The following REEP3 variants were observed in gnomAD, a reference collection of about 807,000 sequenced individuals.
The protein encoded by REEP3 is receptor expression-enhancing protein 3.
Under a neutral mutation model 41.3 loss-of-function variants are expected in REEP3, and 20 were observed. That is an observed-to-expected ratio of 0.48 (90% CI 0.34 to 0.70). The LOEUF is 0.70. REEP3 is among the 30% of genes least tolerant of loss of function. REEP3 has a pLI of 0.01. For missense variants in REEP3, 271 were observed against 308.8 expected (o/e 0.88, Z 0.92); for synonymous variants, 104 against 101.8 (o/e 1.02, Z -0.13).
chr10:63,607,346 C>G (rs1956238031), intron 5 of REEP3, among the ~76,000 whole-genome samples: 1 of 152,158 alleles, frequency 6.6e-6, no homozygotes, highest in African/African-American at 2.4e-5. Flanking sequence ...GTTGATAATA[C>G]TTGGGTATTG....
At chr10:63,609,106 C>T (rs1467404171) in intron 5 of REEP3, among the ~76,000 whole-genome samples, 2 of 152,162 alleles carry the variant, frequency 1.3e-5, no homozygotes, top group Admixed American at 6.6e-5. Context: ...AGAGCCGTTA[C>T]CAGTCCTGAC....
chr10:63,522,895 C>T (rs1163988480), intron 1 of REEP3, among the ~76,000 whole-genome samples: 3 of 151,976 alleles, frequency 2.0e-5, no homozygotes, highest in Admixed American at 1.3e-4. Context: ...CAGCCTTTTC[C>T]TGGCCTCTCT....
intron 2 of REEP3, among the ~76,000 whole-genome samples, chr10:63,570,737 G>A (rs752119133): frequency 3.3e-5 from 5 of 152,180 alleles, no homozygotes; most frequent in African/African-American, 9.7e-5. Context: ...GCCAGGCACT[G>A]AAATAAGGAC....
chr10:63,615,330 GT>G (rs1015037638), intron 6 of REEP3, among the ~76,000 whole-genome samples: 2 of 151,492 alleles, frequency 1.3e-5, no homozygotes, highest in Non-Finnish European at 2.9e-5. Context: ...AACAGAAAAT[GT>G]TTTTTTTGTT....
intron 2 of REEP3, among the ~76,000 whole-genome samples, chr10:63,590,547 A>G (rs909405312): frequency 6.6e-6 from 1 of 151,746 alleles, no homozygotes; most frequent in Non-Finnish European, 1.5e-5. Flanking sequence ...ACTTGTGTAT[A>G]GTTATCGACT....
rs548807302 is a variant in REEP3, at chr10:63,524,130, T to C, written c.32+2553T>C. Among the ~76,000 whole-genome samples the C allele has an allele frequency of 2.6e-5, 4 of 152,312 alleles. No homozygotes were observed. In the East Asian group the frequency reaches 5.8e-4, roughly 22 times the overall value. ...CACATTAGCACATTAGAAAGCACAC[T>C]TGTAGAGAATATAAACATCATTCTA... is the stretch of plus-strand genomic sequence containing the variant. On this transcript the variant is annotated intron_variant, in intron 1 of 7. Transcript: ENST00000373758.
rs894743016 is a variant in REEP3, at chr10:63,623,507, G to T, written c.*2638G>T. On this transcript the variant is annotated 3_prime_UTR_variant, in exon 8 of 8. Coordinates refer to ENST00000373758, the MANE Select transcript of REEP3 (RefSeq NM_001001330.3). ...CAAACCTATTTAGGGAACTATTTTG[G>T]TAGATGTTTGAGTTTATACAGAAAT... 6.6e-6 allele frequency: 1 copy of T among 152,254 alleles called. No individual in the cohort carries two copies. The highest frequency in any genetic ancestry group is 1.5e-5 in the Non-Finnish European group (1 of 68,152). 9.4% of individuals were successfully genotyped at this position (152,254 alleles called of 1,614,324 possible).
chr10:63,523,520 C>G (rs1223379766), intron 1 of REEP3, among the ~76,000 whole-genome samples: 1 of 152,094 alleles, frequency 6.6e-6, no homozygotes, highest in Non-Finnish European at 1.5e-5. Flanking sequence ...ACCTGTAATC[C>G]CAGCTACTCA....
intron 2 of REEP3, among the ~76,000 whole-genome samples, chr10:63,588,767 A>G (rs1564485936): frequency 1.3e-5 from 2 of 152,250 alleles, no homozygotes; most frequent in Admixed American, 1.3e-4. Context: ...AAAATAAAGC[A>G]GAATAAGGAA....
chr10:63,597,989 A>C (rs1956132117), intron 3 of REEP3, 35 bp from the exon 4 acceptor site: 1 of 1,568,796 alleles, frequency 6.4e-7, no homozygotes, highest in South Asian at 1.2e-5. Flanking sequence ...TTTGTTTTTC[A>C]CTGGCAGTTT....
At position 63,523,815 on chromosome 10, in the gene REEP3, G is replaced by A. The variant is rs369119421; in HGVS notation, c.32+2238G>A. ...AAGCTGGAAAGGTAGCCTGGGGCCT[G>A]TTTTCAAGAAAGAAGGGGTAAATGT... On this transcript the variant is annotated intron_variant, in intron 1 of 7. Coordinates refer to ENST00000373758, the MANE Select transcript of REEP3 (RefSeq NM_001001330.3). Among the ~76,000 whole-genome samples the A allele has an allele frequency of 3.6e-4, 55 of 152,334 alleles. 1 individual carries two copies. Among genetic ancestry groups the A allele is most frequent in the African/African-American group, 1.3e-3 (54 of 41,578 alleles).
intron 1 of REEP3, among the ~76,000 whole-genome samples, chr10:63,525,615 C>T (rs905237432): frequency 2.6e-5 from 4 of 152,090 alleles, no homozygotes; most frequent in Admixed American, 2.0e-4. Flanking sequence ...GACGGGGTTT[C>T]ACCACGTTGG....
intron 2 of REEP3, among the ~76,000 whole-genome samples, chr10:63,567,314 A>C (rs950955881): frequency 3.3e-5 from 5 of 152,128 alleles, no homozygotes; most frequent in Admixed American, 3.3e-4. Context: ...TTCTAGTTCC[A>C]AAATATTTTC....
chr10:63,533,680 C>T (rs1955446259), intron 1 of REEP3, among the ~76,000 whole-genome samples: 1 of 148,904 alleles, frequency 6.7e-6, no homozygotes, highest in Non-Finnish European at 1.5e-5. Flanking sequence ...TATATAAGTC[C>T]ACATGAAAGA....
chr10:63,549,755 G>T (rs988001033), intron 1 of REEP3, among the ~76,000 whole-genome samples: 2 of 152,148 alleles, frequency 1.3e-5, no homozygotes, highest in Non-Finnish European at 2.9e-5. Context: ...TCTCATTGTT[G>T]GAATGTTAGG....
At chr10:63,552,922 G>T (rs1955642818) in intron 1 of REEP3, among the ~76,000 whole-genome samples, 1 of 152,188 alleles carries the variant, frequency 6.6e-6, no homozygotes, top group South Asian at 2.1e-4. Context: ...TAGAAATAAA[G>T]TTCCCACCTC....
At position 63,619,803 on chromosome 10, in the gene REEP3, TG is replaced by T; in HGVS notation, c.711+5del. ...AAACCACCAAAGGCCGCAAAGAGGT[TG>T]GTTAAGTGTAGAGCTGTTTTCCTAA... On this transcript the variant is annotated splice_donor_region_variant and intron_variant, in intron 7 of 7. Coordinates refer to ENST00000373758, the MANE Select transcript of REEP3 (RefSeq NM_001001330.3). The T allele has an allele frequency of 1.2e-6, 2 of 1,604,914 alleles. No individual in the cohort carries two copies.
Position 63,623,195 on chromosome 10 carries a change from T to C in REEP3, c.*2326T>C, listed in dbSNP as rs1025169106. 6.6e-6 allele frequency: 1 copy of C among 152,266 alleles called. No individual in the cohort carries two copies. Among genetic ancestry groups the C allele is most frequent in the Non-Finnish European group, 1.5e-5 (1 of 68,044 alleles). 9.4% of individuals were successfully genotyped at this position (152,266 alleles called of 1,614,324 possible). ...ACTTTTTCACATTCACAGTGCTTCC[T>C]CTGATATCTTTCCTTACATCATTAT... On this transcript the variant is annotated 3_prime_UTR_variant, in exon 8 of 8. Coordinates refer to ENST00000373758, the MANE Select transcript of REEP3 (RefSeq NM_001001330.3).
chr10:63,553,611 T>C (rs1409412753), intron 1 of REEP3, among the ~76,000 whole-genome samples: 1 of 152,104 alleles, frequency 6.6e-6, no homozygotes. Flanking sequence ...TATATCTGAG[T>C]TCAGTTTAGA....
Sources: gnomAD v4.1 joint callset for allele counts (sites outside exome capture counted in the v4.1 genomes callset) on GRCh38, gnomAD v4.1.1 for gene constraint, MANE v1.5 for transcripts, NCBI Gene and HGNC (gene_info 2026-07-23, HGNC 2026-07-21) for gene names.